Variants in PCDH15 observed in about 807,000 individuals in gnomAD.
The protein encoded by PCDH15 is protocadherin-15.
In PCDH15, 129 loss-of-function variants were observed where a neutral mutation model predicts 178.5. The ratio of observed to expected loss-of-function variants is 0.72; its 90% CI spans 0.63 to 0.84. PCDH15 has a LOEUF of 0.84. PCDH15 is among the 40% of genes least tolerant of loss of function. The pLI is 0.00. For missense variants in PCDH15, 2,230 were observed against 2,099.9 expected (o/e 1.06, Z -1.21); for synonymous variants, 800 against 732.0 (o/e 1.09, Z -1.50).
intron 2 of PCDH15, among the ~76,000 whole-genome samples, chr10:54,617,280 AC>A (rs1271225354): frequency 1.3e-5 from 2 of 152,040 alleles, no homozygotes; most frequent in African/African-American, 4.8e-5. Context: ...CCATTGAGCA[AC>A]CAACTGATCA....
At chr10:54,287,761 A>G (rs1368107891) in intron 8 of PCDH15, among the ~76,000 whole-genome samples, 1 of 152,168 alleles carries the variant, frequency 6.6e-6, no homozygotes, top group Non-Finnish European at 1.5e-5. Flanking sequence ...TCATTAACAG[A>G]TATTAATTAT....
intron 18 of PCDH15, among the ~76,000 whole-genome samples, chr10:54,035,512 A>G (rs2093396144): frequency 6.6e-6 from 1 of 151,830 alleles, no homozygotes; most frequent in Non-Finnish European, 1.5e-5. Context: ...ATGAGAGCAA[A>G]TTTAATTAAT....
chr10:54,241,193 C>G (rs1591371584), intron 8 of PCDH15, among the ~76,000 whole-genome samples: 1 of 152,136 alleles, frequency 6.6e-6, no homozygotes, highest in South Asian at 2.1e-4. Flanking sequence ...GATTCAGTGA[C>G]TTGTTTCTTC....
At chr10:54,082,493 A>G (rs2094449605) in intron 16 of PCDH15, among the ~76,000 whole-genome samples, 1 of 152,192 alleles carries the variant, frequency 6.6e-6, no homozygotes, top group Non-Finnish European at 1.5e-5. Flanking sequence ...TCAAAAGGAA[A>G]GAATAGTCTT....
rs539775304 is a variant in PCDH15, at chr10:54,066,678, T to C, written c.2220+79A>G. Reference sequence around the variant, plus strand: ...ATTTAACAGATTACATTAGCTGAGTTTCTTTTGAGAATTAAAATGTAATAA... The same window carrying C: ...ATTTAACAGATTACATTAGCTGAGTCTCTTTTGAGAATTAAAATGTAATAA... On this transcript the variant is annotated intron_variant, in intron 18 of 37. Coordinates refer to ENST00000644397, the MANE Select transcript of PCDH15 (RefSeq NM_001384140.1). The C allele has an allele frequency of 2.1e-4, 300 of 1,448,088 alleles. No homozygotes were observed. In the African/African-American group the frequency reaches 3.0e-3, roughly 14 times the overall value. The allele number at this position is 1,448,088 out of a possible 1,614,324, so 89.7% of individuals were successfully genotyped here.
At chr10:55,243,377 G>C (rs901822206) in intron 1 of PCDH15, among the ~76,000 whole-genome samples, 1 of 152,154 alleles carries the variant, frequency 6.6e-6, no homozygotes, top group African/African-American at 2.4e-5. Flanking sequence ...AAATACCATG[G>C]GGAAATAATG....
chr10:54,530,719 T>G (rs1008543595), intron 2 of PCDH15, among the ~76,000 whole-genome samples: 7 of 152,152 alleles, frequency 4.6e-5, no homozygotes, highest in Non-Finnish European at 8.8e-5. Context: ...ATTTATTATT[T>G]TAGTAGATTC....
intron 1 of PCDH15, among the ~76,000 whole-genome samples, chr10:55,249,601 A>C (rs1433250751): frequency 6.6e-6 from 1 of 152,192 alleles, no homozygotes; most frequent in Non-Finnish European, 1.5e-5. Context: ...TATCCCAACA[A>C]GCAATAATTT....
intron 13 of PCDH15, among the ~76,000 whole-genome samples, chr10:54,181,427 G>T (rs537574739): frequency 2.3e-3 from 355 of 151,950 alleles, no homozygotes; most frequent in Non-Finnish European, 3.9e-3. Context: ...GGGTACATAC[G>T]CAAGTTTATT....
intron 8 of PCDH15, among the ~76,000 whole-genome samples, chr10:54,259,523 A>G (rs1407239580): frequency 3.3e-5 from 5 of 152,236 alleles, no homozygotes; most frequent in Non-Finnish European, 5.9e-5. Flanking sequence ...CTAAGAGAAG[A>G]TAAGAAAAGA....
intron 2 of PCDH15, among the ~76,000 whole-genome samples, chr10:55,094,887 C>T (rs369735413): frequency 2.5e-4 from 37 of 149,718 alleles, no homozygotes; most frequent in African/African-American, 7.8e-4. Flanking sequence ...CCCAAAATGA[C>T]ATGATGAAAA....
chr10:53,931,077 C>A (rs2610840), intron 25 of PCDH15, among the ~76,000 whole-genome samples: 7,120 of 152,106 alleles, frequency 0.047, 513 homozygotes, highest in African/African-American at 0.16. Flanking sequence ...AGTTTGAGTG[C>A]AGGAAGAATG....
At chr10:55,495,711 C>T (rs1840517987) in intron 2 of PCDH15, among the ~76,000 whole-genome samples, 1 of 151,630 alleles carries the variant, frequency 6.6e-6, no homozygotes, top group African/African-American at 2.4e-5. Flanking sequence ...CAACATATGA[C>T]CCATGAATTT....
At chr10:55,076,090 T>C (rs11492424) in intron 2 of PCDH15, among the ~76,000 whole-genome samples, 10,246 of 152,252 alleles carry the variant, frequency 0.067, 461 homozygotes, top group African/African-American at 0.11. Flanking sequence ...TTCATCGTTG[T>C]CTGAGAAGAC....
chr10:54,109,100 C>G (rs1404990378), intron 15 of PCDH15, among the ~76,000 whole-genome samples: 1 of 152,090 alleles, frequency 6.6e-6, no homozygotes, highest in Non-Finnish European at 1.5e-5. Context: ...GGGAGAGACT[C>G]CTTCTGCTTG....
chr10:55,411,240 T>TAATTCA (rs1299277505), intron 2 of PCDH15, among the ~76,000 whole-genome samples: 24 of 152,230 alleles, frequency 1.6e-4, no homozygotes, highest in African/African-American at 5.5e-4. Context: ...TGTAAAACTG[T>TAATTCA]GCCCAGTGCT....
intron 26 of PCDH15, among the ~76,000 whole-genome samples, chr10:53,896,778 C>A (rs1343864188): frequency 6.6e-6 from 1 of 152,088 alleles, no homozygotes; most frequent in Non-Finnish European, 1.5e-5. Context: ...TCGTGACCTG[C>A]GCATGAAAGG....
At chr10:54,438,420 T>G (rs1421229964) in intron 3 of PCDH15, among the ~76,000 whole-genome samples, 1 of 152,048 alleles carries the variant, frequency 6.6e-6, no homozygotes, top group Non-Finnish European at 1.5e-5. Flanking sequence ...GTTCTCCTGC[T>G]CACTTCTTGC....
chr10:55,463,038 G>A (rs1371331615), intron 2 of PCDH15, among the ~76,000 whole-genome samples: 3 of 150,032 alleles, frequency 2.0e-5, no homozygotes, highest in Non-Finnish European at 3.0e-5. Flanking sequence ...GAACAAAGAT[G>A]AGCAAACAAG....
Sources: allele counts gnomAD v4.1 joint callset (sites outside exome capture counted in the v4.1 genomes callset), GRCh38; gene constraint gnomAD v4.1.1; transcripts MANE v1.5; gene names NCBI Gene and HGNC (gene_info 2026-07-23, HGNC 2026-07-21).